PGBD5: variants seen among roughly 807,000 people sequenced by gnomAD.
PGBD5 encodes the protein piggyBac transposable element derived 5.
PGBD5 carries 14 observed loss-of-function variants against 47.9 expected under a neutral mutation model. That is an observed-to-expected ratio of 0.29 (90% CI 0.19 to 0.46). The LOEUF (loss-of-function observed/expected upper bound fraction) is 0.46. Among genes scored for constraint, PGBD5 ranks in the 20% least tolerant of loss-of-function variants. The pLI is 1.00. For missense variants in PGBD5, 635 were observed against 716.0 expected (o/e 0.89, Z 1.29); for synonymous variants, 316 against 306.3 (o/e 1.03, Z -0.33).
chr1:230,325,789 C>G (rs1314653884), intron 5 of PGBD5, among the ~76,000 whole-genome samples: 1 of 152,128 alleles, frequency 6.6e-6, no homozygotes, highest in Non-Finnish European at 1.5e-5. Flanking sequence ...CCCTCCCTCC[C>G]CCTTCTGCCA....
chr1:230,346,193 C>T (rs1248284771), intron 3 of PGBD5, among the ~76,000 whole-genome samples: 3 of 152,206 alleles, frequency 2.0e-5, no homozygotes, highest in East Asian at 1.9e-4. Flanking sequence ...CAGATGTGTG[C>T]GACCACACTC....
intron 1 of PGBD5, among the ~76,000 whole-genome samples, chr1:230,418,137 T>G (rs1307388590): frequency 6.6e-6 from 1 of 152,170 alleles, no homozygotes; most frequent in Non-Finnish European, 1.5e-5. Context: ...AAAGACCTTG[T>G]ACTAAGGGTA....
At chr1:230,367,204 G>A (rs567767707) in intron 1 of PGBD5, among the ~76,000 whole-genome samples, 46 of 152,156 alleles carry the variant, frequency 3.0e-4, no homozygotes, top group African/African-American at 1.0e-3. Flanking sequence ...TACTCGGGCC[G>A]CTGTTTCTTC....
intron 1 of PGBD5, among the ~76,000 whole-genome samples, chr1:230,423,060 A>C (rs1657694420): frequency 1.3e-5 from 2 of 152,028 alleles, no homozygotes. Context: ...CAAGCAATAC[A>C]CATTTGCATA....
intron 1 of PGBD5, among the ~76,000 whole-genome samples, chr1:230,398,638 G>A (rs538270907): frequency 7.4e-4 from 113 of 152,252 alleles, no homozygotes; most frequent in African/African-American, 2.1e-3. Flanking sequence ...TAGAGACAGG[G>A]GTCTTGGGCA....
At chr1:230,339,806 T>C (rs929483606) in intron 3 of PGBD5, among the ~76,000 whole-genome samples, 1 of 152,078 alleles carries the variant, frequency 6.6e-6, no homozygotes, top group Non-Finnish European at 1.5e-5. Flanking sequence ...GTTGAACTAA[T>C]AGGAGAGAGT....
At chr1:230,334,691 G>A (rs1667275232) in intron 4 of PGBD5, among the ~76,000 whole-genome samples, 1 of 152,200 alleles carries the variant, frequency 6.6e-6, no homozygotes, top group South Asian at 2.1e-4. Flanking sequence ...GGACATGCTG[G>A]AGGACACTAC....
At position 230,416,688 on chromosome 1, in the gene PGBD5, C is replaced by T. The variant is rs75565491; in HGVS notation, c.331+8910G>A. On this transcript the variant is annotated intron_variant, in intron 1 of 6. Coordinates refer to ENST00000391860, the MANE Select transcript of PGBD5 (RefSeq NM_001258311.2). ...CATGGCCAGAGACAATGGTAGGACG[C>T]GTGCTACAAGGTGACAATAGAGAGG... Among the ~76,000 whole-genome samples the T allele has an allele frequency of 9.1e-3, 1,385 of 152,284 alleles. 25 individuals carry two copies. Among genetic ancestry groups the T allele is most frequent in the African/African-American group, 0.032 (1,310 of 41,558 alleles).
At chr1:230,365,312 C>CAAAA (rs34846205) in intron 1 of PGBD5, among the ~76,000 whole-genome samples, 1 of 115,758 alleles carries the variant, frequency 8.6e-6, no homozygotes, top group African/African-American at 3.3e-5. Context: ...GACTCCATCT[C>CAAAA]AAAAAAAAAA....
chr1:230,347,849 C>T (rs568429647), intron 3 of PGBD5, among the ~76,000 whole-genome samples: 4 of 152,286 alleles, frequency 2.6e-5, no homozygotes, highest in African/African-American at 4.8e-5. Context: ...GCTACAAAAT[C>T]GATGTGCCAT....
chr1:230,403,794 G>C (rs71654324), intron 1 of PGBD5, among the ~76,000 whole-genome samples: 5,817 of 152,280 alleles, frequency 0.038, 147 homozygotes, highest in Non-Finnish European at 0.056. Context: ...CTGAGCCAAC[G>C]AAGAGTGATA....
intron 1 of PGBD5, among the ~76,000 whole-genome samples, chr1:230,380,727 A>C (rs1656443173): frequency 6.6e-6 from 1 of 152,240 alleles, no homozygotes; most frequent in Admixed American, 6.5e-5. Flanking sequence ...CCACACCTGT[A>C]CTCAAGAACC....
chr1:230,418,065 C>T (rs1057040987), intron 1 of PGBD5, among the ~76,000 whole-genome samples: 6 of 152,138 alleles, frequency 3.9e-5, no homozygotes, highest in African/African-American at 1.4e-4. Flanking sequence ...TGGGATGCTG[C>T]TGAACGTCCT....
intron 1 of PGBD5, among the ~76,000 whole-genome samples, chr1:230,384,475 G>A (rs1307914960): frequency 2.0e-5 from 3 of 152,106 alleles, no homozygotes; most frequent in Non-Finnish European, 4.4e-5. Context: ...GGTGTCCTTG[G>A]GCAAGATACA....
chr1:230,381,276 T>C (rs1000616052), intron 1 of PGBD5, among the ~76,000 whole-genome samples: 4 of 152,196 alleles, frequency 2.6e-5, no homozygotes, highest in Non-Finnish European at 5.9e-5. Flanking sequence ...GTGAGCACAC[T>C]CAGGTATAGT....
intron 1 of PGBD5, among the ~76,000 whole-genome samples, chr1:230,412,385 G>A (rs1326691033): frequency 7.0e-6 from 1 of 142,448 alleles, no homozygotes; most frequent in Non-Finnish European, 1.5e-5. Context: ...TCATCCTAAA[G>A]TCTTTTTTTT....
intron 3 of PGBD5, among the ~76,000 whole-genome samples, chr1:230,347,748 C>T (rs1231109513): frequency 6.6e-6 from 1 of 152,098 alleles, no homozygotes; most frequent in African/African-American, 2.4e-5. Context: ...TATCTTGGTC[C>T]ACAGTAGATA....
chr1:230,395,379 T>C (rs1392467983), intron 1 of PGBD5, among the ~76,000 whole-genome samples: 15 of 13,648 alleles, frequency 1.1e-3, no homozygotes, highest in East Asian at 2.2e-3. Context: ...CCTCTCCTCA[T>C]GCTCCTCCCC....
intron 1 of PGBD5, among the ~76,000 whole-genome samples, chr1:230,377,874 A>G (rs1215392882): frequency 6.6e-6 from 1 of 152,246 alleles, no homozygotes; most frequent in African/African-American, 2.4e-5. Context: ...AGACATGGTA[A>G]TCAGGCTCTT....
Sources: allele counts gnomAD v4.1 joint callset (sites outside exome capture counted in the v4.1 genomes callset), GRCh38; gene constraint gnomAD v4.1.1; transcripts MANE v1.5; gene names NCBI Gene and HGNC (gene_info 2026-07-23, HGNC 2026-07-21).